MACROH2A2: variants seen among roughly 807,000 people sequenced by gnomAD.
MACROH2A2 encodes the protein core histone macro-H2A.2.
MACROH2A2 carries 6 observed loss-of-function variants against 37.6 expected under a neutral mutation model. The observed-to-expected ratio is 0.16, with a 90% confidence interval of 0.09 to 0.32. The LOEUF (loss-of-function observed/expected upper bound fraction) is 0.32. MACROH2A2 is among the 10% of genes least tolerant of loss of function. The pLI is 1.00. For synonymous variants in MACROH2A2, 192 were observed against 202.7 expected (o/e 0.95, Z 0.45); for missense variants, 290 against 485.9 (o/e 0.60, Z 3.79).
At chr10:70,095,958 A>G (rs1415148867) in intron 6 of MACROH2A2, among the ~76,000 whole-genome samples, 1 of 152,186 alleles carries the variant, frequency 6.6e-6, no homozygotes, top group Non-Finnish European at 1.5e-5. Flanking sequence ...TTATTGGGGT[A>G]TTGTGTAAAA....
chr10:70,070,717 A>C (rs2072104199), intron 1 of MACROH2A2, among the ~76,000 whole-genome samples: 1 of 152,010 alleles, frequency 6.6e-6, no homozygotes. Flanking sequence ...CAAACTCCTG[A>C]CCTCAGGTGA....
chr10:70,068,293 TG>T (rs2072090232), intron 1 of MACROH2A2, among the ~76,000 whole-genome samples: 1 of 152,212 alleles, frequency 6.6e-6, no homozygotes, highest in Non-Finnish European at 1.5e-5. Context: ...GAGTTCTTAA[TG>T]TCTCCAGCAT....
At chr10:70,074,562 T>G (rs755867246) in intron 1 of MACROH2A2, among the ~76,000 whole-genome samples, 9 of 152,230 alleles carry the variant, frequency 5.9e-5, no homozygotes, top group Non-Finnish European at 1.3e-4. Flanking sequence ...AATCTCATCT[T>G]GAATTATAGC....
chr10:70,066,941 G>T (rs115051618), intron 1 of MACROH2A2, among the ~76,000 whole-genome samples: 106 of 152,124 alleles, frequency 7.0e-4, no homozygotes, highest in African/African-American at 2.5e-3. Context: ...GCTTTTTGTT[G>T]GTGATTTTGC....
At chr10:70,065,366 C>T (rs2072073554) in intron 1 of MACROH2A2, among the ~76,000 whole-genome samples, 1 of 152,086 alleles carries the variant, frequency 6.6e-6, no homozygotes, top group South Asian at 2.1e-4. Flanking sequence ...CGTAAGCCAC[C>T]GCGCCCGGCC....
intron 1 of MACROH2A2, among the ~76,000 whole-genome samples, chr10:70,064,508 G>A (rs1390262874): frequency 6.6e-6 from 1 of 151,780 alleles, no homozygotes; most frequent in African/African-American, 2.4e-5. Context: ...GCCTGCTGAT[G>A]TGGTTTGGCT....
chr10:70,092,106 G>T, intron 4 of MACROH2A2, 152 bp downstream of exon 4: 1 of 659,392 alleles, frequency 1.5e-6, no homozygotes, highest in Admixed American at 2.8e-5. Context: ...ATGAGGGCGA[G>T]TCCTCACGAA....
At chr10:70,105,808 G>C (rs2072334273) in intron 7 of MACROH2A2, among the ~76,000 whole-genome samples, 1 of 152,150 alleles carries the variant, frequency 6.6e-6, no homozygotes, top group Non-Finnish European at 1.5e-5. Flanking sequence ...AACTGATGGT[G>C]TCTGCAGTGA....
chr10:70,057,867 T>G (rs1242481807), intron 1 of MACROH2A2, among the ~76,000 whole-genome samples: 1 of 152,090 alleles, frequency 6.6e-6, no homozygotes, highest in Non-Finnish European at 1.5e-5. Flanking sequence ...GCCCTATAAG[T>G]AGGTACTATT....
intron 2 of MACROH2A2, among the ~76,000 whole-genome samples, chr10:70,082,553 C>T (rs541024160): frequency 3.3e-5 from 5 of 152,130 alleles, no homozygotes; most frequent in Non-Finnish European, 5.9e-5. Flanking sequence ...GATCAACAGA[C>T]GAATGGATAA....
chr10:70,087,927 G>A (rs1333238449), intron 2 of MACROH2A2, among the ~76,000 whole-genome samples: 2 of 152,156 alleles, frequency 1.3e-5, no homozygotes, highest in African/African-American at 4.8e-5. Context: ...CATGTGCTTA[G>A]TTAATACAGC....
chr10:70,073,637 CG>C (rs1564542190), intron 1 of MACROH2A2, among the ~76,000 whole-genome samples: 1 of 152,102 alleles, frequency 6.6e-6, no homozygotes, highest in African/African-American at 2.4e-5. Context: ...TCATTCACCT[CG>C]GGGACAGGTG....
intron 1 of MACROH2A2, among the ~76,000 whole-genome samples, chr10:70,063,148 A>G (rs1424682535): frequency 6.6e-6 from 1 of 152,194 alleles, no homozygotes; most frequent in Non-Finnish European, 1.5e-5. Flanking sequence ...AATGTGGCTC[A>G]ACGTATATCA....
chr10:70,100,110 A>G (rs3750769), intron 6 of MACROH2A2, 98 bp from the exon 7 acceptor site: 21,909 of 638,328 alleles, frequency 0.034, 1,654 homozygotes, highest in East Asian at 0.25. Flanking sequence ...AGTTTCTAAC[A>G]GTGCTTTTGT....
chr10:70,097,911 C>T (rs1462518264), intron 6 of MACROH2A2, among the ~76,000 whole-genome samples: 1 of 150,874 alleles, frequency 6.6e-6, no homozygotes, highest in Admixed American at 6.7e-5. Context: ...GAGTTTGAGA[C>T]CAGCCTGGAC....
intron 2 of MACROH2A2, among the ~76,000 whole-genome samples, chr10:70,080,774 A>T (rs1425576572): frequency 6.7e-6 from 1 of 149,748 alleles, no homozygotes; most frequent in Non-Finnish European, 1.5e-5. Context: ...CATCCCAGCT[A>T]CTTGGGAAGC....
chr10:70,073,636 T>C (rs2072123052), intron 1 of MACROH2A2, among the ~76,000 whole-genome samples: 1 of 152,182 alleles, frequency 6.6e-6, no homozygotes, highest in Non-Finnish European at 1.5e-5. Context: ...ATCATTCACC[T>C]CGGGGACAGG....
At chr10:70,076,665 A>G (rs905720569) in intron 2 of MACROH2A2, among the ~76,000 whole-genome samples, 1 of 152,154 alleles carries the variant, frequency 6.6e-6, no homozygotes, top group African/African-American at 2.4e-5. Context: ...ACTTTGCCCA[A>G]GGTTAACAAA....
At chr10:70,058,375 G>A (rs533779373) in intron 1 of MACROH2A2, among the ~76,000 whole-genome samples, 6 of 152,312 alleles carry the variant, frequency 3.9e-5, no homozygotes, top group African/African-American at 1.4e-4. Context: ...GACCACCAGT[G>A]TACAGACATT....
Sources: allele counts gnomAD v4.1 joint callset (sites outside exome capture counted in the v4.1 genomes callset), GRCh38; gene constraint gnomAD v4.1.1; transcripts MANE v1.5; gene names NCBI Gene and HGNC (gene_info 2026-07-23, HGNC 2026-07-21).